Variants in CRISP2 observed in about 807,000 individuals in gnomAD.
The protein encoded by CRISP2 is cysteine-rich secretory protein 2.
Under a neutral mutation model 31.7 loss-of-function variants are expected in CRISP2, and 29 were observed. That is an observed-to-expected ratio of 0.92 (90% CI 0.68 to 1.25). The LOEUF is 1.25. CRISP2 is among the 50% of genes most tolerant of loss of function. The pLI is 0.00. For synonymous variants in CRISP2, 111 were observed against 101.4 expected, an observed-to-expected ratio of 1.09 and a Z score of -0.57; for missense variants, 318 against 286.5, an observed-to-expected ratio of 1.11 and a Z score of -0.79.
At chr6:49,680,960 G>A in the CRISP2 span, among the ~76,000 whole-genome samples, 2 of 152,112 alleles carry the variant, frequency 1.3e-5, no homozygotes, top group South Asian at 2.1e-4. Context: ...TTTAATTGTT[G>A]ATAATTTCTT....
the CRISP2 span, among the ~76,000 whole-genome samples, chr6:49,680,027 G>T: frequency 2.0e-5 from 3 of 152,026 alleles, no homozygotes; most frequent in Non-Finnish European, 2.9e-5. Context: ...TAAATTAAGG[G>T]TATATGTGCA....
the CRISP2 span, among the ~76,000 whole-genome samples, chr6:49,686,421 T>G: frequency 1.4e-4 from 22 of 152,316 alleles, no homozygotes; most frequent in East Asian, 4.2e-3. Context: ...AAAGGATAAA[T>G]GCACATGCAA....
At chr6:49,705,959 T>C (rs1169765199) in intron 4 of CRISP2, among the ~76,000 whole-genome samples, 1 of 152,164 alleles carries the variant, frequency 6.6e-6, no homozygotes, top group Non-Finnish European at 1.5e-5. Context: ...CCTGCCATGC[T>C]CCTGCAGTGG....
At chr6:49,702,692 G>A (rs1257505965) in intron 4 of CRISP2, among the ~76,000 whole-genome samples, 2 of 151,922 alleles carry the variant, frequency 1.3e-5, no homozygotes, top group Non-Finnish European at 2.9e-5. Context: ...TGTAGATTCT[G>A]GATATTAGTC....
intron 4 of CRISP2, among the ~76,000 whole-genome samples, chr6:49,701,407 T>C (rs1262449372): frequency 6.7e-6 from 1 of 150,330 alleles, no homozygotes; most frequent in Non-Finnish European, 1.5e-5. Context: ...TTACGTCACT[T>C]GGAATAATGG....
At chr6:49,701,846 ATT>A (rs1382284462) in intron 4 of CRISP2, among the ~76,000 whole-genome samples, 2 of 87,382 alleles carry the variant, frequency 2.3e-5, no homozygotes, top group African/African-American at 8.3e-5. Flanking sequence ...AATAATATAT[ATT>A]ATATAATATA....
At chr6:49,706,335 G>A (rs1439891427) in intron 4 of CRISP2, among the ~76,000 whole-genome samples, 1 of 152,112 alleles carries the variant, frequency 6.6e-6, no homozygotes, top group Non-Finnish European at 1.5e-5. Context: ...TACCTATTAT[G>A]TAGCAAATTT....
chr6:49,695,483 AT>A (rs1265212966), intron 9 of CRISP2, among the ~76,000 whole-genome samples: 1 of 152,172 alleles, frequency 6.6e-6, no homozygotes, highest in African/African-American at 2.4e-5. Flanking sequence ...AGATTTATAC[AT>A]TTTGATTCCT....
chr6:49,704,758 T>G (rs568986312), intron 4 of CRISP2, among the ~76,000 whole-genome samples: 1 of 151,894 alleles, frequency 6.6e-6, no homozygotes, highest in East Asian at 1.9e-4. Context: ...AGCAGGGGAG[T>G]GAAGTGGACT....
chr6:49,691,622 A>C (rs1376431044), downstream of CRISP2, among the ~76,000 whole-genome samples: 1 of 151,954 alleles, frequency 6.6e-6, no homozygotes, highest in Non-Finnish European at 1.5e-5. Flanking sequence ...AAATGTCTTT[A>C]GTTTTAGTAC....
intron 5 of CRISP2, 39 bp from the exon 6 acceptor site, chr6:49,699,930 AG>A (rs1313440345): frequency 6.5e-7 from 1 of 1,548,614 alleles, no homozygotes; most frequent in Admixed American, 1.7e-5. Flanking sequence ...TTAATGATTC[AG>A]CCACAATGAA....
intron 7 of CRISP2, 133 bp downstream of exon 7, chr6:49,698,229 A>G (rs1004045487): frequency 1.3e-5 from 14 of 1,054,286 alleles, no homozygotes; most frequent in Non-Finnish European, 1.9e-5. Context: ...GCTCTACAAC[A>G]GCCAAATGCC....
downstream of CRISP2, among the ~76,000 whole-genome samples, chr6:49,689,172 A>G (rs1419881466): frequency 2.0e-5 from 3 of 152,088 alleles, no homozygotes; most frequent in Non-Finnish European, 4.4e-5. Flanking sequence ...CCCAGCCTGG[A>G]TTATGAATTT....
At chr6:49,690,427 AG>A (rs766908547), downstream of CRISP2, among the ~76,000 whole-genome samples, 40 of 152,140 alleles carry the variant, frequency 2.6e-4, no homozygotes, top group Non-Finnish European at 5.7e-4. Context: ...GACCAGATTA[AG>A]TAAGAAAAAC....
At chr6:49,712,081 A>T (rs1768115250) in intron 2 of CRISP2, among the ~76,000 whole-genome samples, 2 of 152,206 alleles carry the variant, frequency 1.3e-5, no homozygotes, top group African/African-American at 4.8e-5. Flanking sequence ...TACAATCAGT[A>T]TAATCTAATT....
intron 4 of CRISP2, among the ~76,000 whole-genome samples, chr6:49,703,188 TA>T (rs35037453): frequency 0.25 from 38,367 of 152,048 alleles, 5,060 homozygotes; most frequent in East Asian, 0.47. Context: ...TGCCTATTTT[TA>T]TACCAGTACC....
intron 4 of CRISP2, among the ~76,000 whole-genome samples, chr6:49,701,301 A>C (rs1765633126): frequency 6.6e-6 from 1 of 151,712 alleles, no homozygotes; most frequent in Non-Finnish European, 1.5e-5. Flanking sequence ...CCAAGTCCCC[A>C]AAGTCAATTG....
intron 4 of CRISP2, among the ~76,000 whole-genome samples, chr6:49,708,731 C>G (rs896646274): frequency 1.3e-5 from 2 of 152,170 alleles, no homozygotes; most frequent in African/African-American, 4.8e-5. Context: ...TAATTTGTTG[C>G]AACCACCCTA....
the CRISP2 span, among the ~76,000 whole-genome samples, chr6:49,681,871 A>G: frequency 6.6e-6 from 1 of 152,024 alleles, no homozygotes; most frequent in African/African-American, 2.4e-5. Context: ...ATGTTAATCA[A>G]TATGTTGCTT....
Sources: gnomAD v4.1 joint callset for allele counts (sites outside exome capture counted in the v4.1 genomes callset) on GRCh38, gnomAD v4.1.1 for gene constraint, MANE v1.5 for transcripts, NCBI Gene and HGNC (gene_info 2026-07-23, HGNC 2026-07-21) for gene names.